The following IMMP2L variants were observed in gnomAD, a reference collection of about 807,000 sequenced individuals.
IMMP2L encodes the protein inner mitochondrial membrane peptidase subunit 2, also known as mitochondrial inner membrane protease subunit 2.
IMMP2L carries 18 observed loss-of-function variants against 19.3 expected under a neutral mutation model. The observed-to-expected ratio is 0.93, with a 90% confidence interval of 0.64 to 1.38. The LOEUF (loss-of-function observed/expected upper bound fraction) is 1.38. Ranked by LOEUF, IMMP2L falls within the 40% of genes most tolerant of loss-of-function variation. The probability of loss-of-function intolerance (pLI) is 0.00; values close to 1 mark genes in which losing one functional copy is unlikely to be tolerated. For missense variants in IMMP2L, 233 were observed against 218.2 expected, an observed-to-expected ratio of 1.07 and a Z score of -0.43; for synonymous variants, 76 against 73.0, an observed-to-expected ratio of 1.04 and a Z score of -0.21.
chr7:111,409,323 A>G (rs1834169273), intron 3 of IMMP2L, among the ~76,000 whole-genome samples: 1 of 151,682 alleles, frequency 6.6e-6, no homozygotes, highest in Non-Finnish European at 1.5e-5. Flanking sequence ...TTATCAGCCC[A>G]CAGCTAAAAA....
chr7:111,023,412 G>C (rs1402708248), intron 3 of IMMP2L, among the ~76,000 whole-genome samples: 4 of 151,942 alleles, frequency 2.6e-5, no homozygotes, highest in African/African-American at 9.7e-5. Context: ...AAATTTATAA[G>C]TTTATGGGCT....
At chr7:111,350,915 T>TA (rs1563090180) in intron 3 of IMMP2L, among the ~76,000 whole-genome samples, 3 of 152,262 alleles carry the variant, frequency 2.0e-5, no homozygotes, top group African/African-American at 7.2e-5. Flanking sequence ...AGATGAAAAA[T>TA]AGACTATGCA....
intron 5 of IMMP2L, among the ~76,000 whole-genome samples, chr7:110,722,467 A>C (rs1795634066): frequency 6.6e-6 from 1 of 152,076 alleles, no homozygotes; most frequent in Non-Finnish European, 1.5e-5. Flanking sequence ...AAACCCATCT[A>C]ATGTCTAGAG....
At chr7:111,075,693 A>ACTCTCTCG (rs1795343842) in intron 3 of IMMP2L, among the ~76,000 whole-genome samples, 2 of 151,962 alleles carry the variant, frequency 1.3e-5, no homozygotes, top group Non-Finnish European at 2.9e-5. Context: ...AGAGTGCCCG[A>ACTCTCTCG]GGTCAGACTC....
chr7:110,856,521 T>C (rs1001048007), intron 5 of IMMP2L, among the ~76,000 whole-genome samples: 24 of 151,980 alleles, frequency 1.6e-4, no homozygotes, highest in Admixed American at 6.6e-4. Context: ...TTTTATCTGA[T>C]ACAAATTCAT....
intron 5 of IMMP2L, among the ~76,000 whole-genome samples, chr7:110,702,370 T>C (rs1562926768): frequency 6.6e-6 from 1 of 152,294 alleles, no homozygotes; most frequent in South Asian, 2.1e-4. Context: ...AATTTTTGAA[T>C]AAGTGGTTAC....
At chr7:111,188,594 T>C (rs779529713) in intron 3 of IMMP2L, among the ~76,000 whole-genome samples, 23 of 152,124 alleles carry the variant, frequency 1.5e-4, no homozygotes, top group Non-Finnish European at 2.9e-4. Context: ...ATTCAGTCCA[T>C]AAGAGCTTAT....
chr7:110,806,803 G>T (rs1195202479), intron 5 of IMMP2L, among the ~76,000 whole-genome samples: 1 of 151,832 alleles, frequency 6.6e-6, no homozygotes, highest in Non-Finnish European at 1.5e-5. Context: ...CAGAAAAGGT[G>T]ATATGAAAGA....
At chr7:111,426,508 T>C (rs1192288264) in intron 3 of IMMP2L, among the ~76,000 whole-genome samples, 1 of 150,950 alleles carries the variant, frequency 6.6e-6, no homozygotes, top group East Asian at 1.9e-4. Flanking sequence ...ATTAGAAAGG[T>C]TTCCCTAGAC....
intron 3 of IMMP2L, among the ~76,000 whole-genome samples, chr7:111,436,978 G>C (rs114021820): frequency 0.011 from 1,644 of 151,816 alleles, 83 homozygotes; most frequent in African/African-American, 0.037. Context: ...TCATTATCAT[G>C]AGGAACGCAA....
chr7:111,473,445 T>C (rs187886835), intron 3 of IMMP2L, among the ~76,000 whole-genome samples: 1 of 152,278 alleles, frequency 6.6e-6, no homozygotes, highest in Admixed American at 6.5e-5. Context: ...CCTTAAAAGT[T>C]TTCAAGTTTT....
At chr7:111,127,331 T>C (rs1801413268) in intron 3 of IMMP2L, among the ~76,000 whole-genome samples, 1 of 152,334 alleles carries the variant, frequency 6.6e-6, no homozygotes, top group South Asian at 2.1e-4. Context: ...AGCATGTACC[T>C]TGTATGTTTC....
chr7:111,326,984 G>A (rs1825383213), intron 3 of IMMP2L, among the ~76,000 whole-genome samples: 2 of 151,720 alleles, frequency 1.3e-5, no homozygotes, highest in Non-Finnish European at 2.9e-5. Context: ...ATAGATGAAA[G>A]GATAAGGAAA....
chr7:110,798,996 G>T (rs767412724), intron 5 of IMMP2L, among the ~76,000 whole-genome samples: 1 of 151,966 alleles, frequency 6.6e-6, no homozygotes, highest in Middle Eastern at 3.4e-3. Flanking sequence ...ATGGTAATAC[G>T]CTGTAACTCA....
intron 3 of IMMP2L, among the ~76,000 whole-genome samples, chr7:111,168,743 A>C (rs552983885): frequency 6.6e-6 from 1 of 152,044 alleles, no homozygotes; most frequent in East Asian, 1.9e-4. Context: ...TTTCTGTAGG[A>C]AATAATTTGT....
intron 5 of IMMP2L, among the ~76,000 whole-genome samples, chr7:110,729,733 TG>T (rs1246489087): frequency 6.6e-6 from 1 of 151,922 alleles, no homozygotes; most frequent in African/African-American, 2.4e-5. Flanking sequence ...GACACATGGG[TG>T]GGGGGAACAA....
intron 3 of IMMP2L, among the ~76,000 whole-genome samples, chr7:111,367,104 A>G (rs1829839201): frequency 6.6e-6 from 1 of 151,832 alleles, no homozygotes; most frequent in South Asian, 2.1e-4. Context: ...ACAGAAGAAT[A>G]TGCTGACAGT....
chr7:111,218,534 T>C (rs1337967415), intron 3 of IMMP2L, among the ~76,000 whole-genome samples: 1 of 151,922 alleles, frequency 6.6e-6, no homozygotes, highest in Non-Finnish European at 1.5e-5. Context: ...ACGTTCCCCA[T>C]ATGATCTTAA....
chr7:110,731,383 T>C (rs1796268484), intron 5 of IMMP2L, among the ~76,000 whole-genome samples: 1 of 152,194 alleles, frequency 6.6e-6, no homozygotes, highest in South Asian at 2.1e-4. Context: ...TGAATACAGA[T>C]GCTCTGAGTA....
Sources: gnomAD v4.1 joint callset for allele counts (sites outside exome capture counted in the v4.1 genomes callset) on GRCh38, gnomAD v4.1.1 for gene constraint, MANE v1.5 for transcripts, NCBI Gene and HGNC (gene_info 2026-07-23, HGNC 2026-07-21) for gene names.